Variants in PRMT8 observed in about 807,000 individuals in gnomAD.
The protein encoded by PRMT8 is protein arginine methyltransferase 8, also known as protein arginine N-methyltransferase 8.
Under a neutral mutation model 47.1 loss-of-function variants are expected in PRMT8, and 7 were observed. The observed-to-expected ratio is 0.15, with a 90% CI of 0.08 to 0.28. PRMT8 has a LOEUF of 0.28. PRMT8 is among the 10% of genes least tolerant of loss of function. The pLI is 1.00. For missense variants in PRMT8, 237 were observed against 505.4 expected, an observed-to-expected ratio of 0.47 and a Z score of 5.09; for synonymous variants, 188 against 186.5, an observed-to-expected ratio of 1.01 and a Z score of -0.07.
At chr12:3,457,531 A>G (rs1864987928) in intron 1 of PRMT8, among the ~76,000 whole-genome samples, 1 of 151,244 alleles carries the variant, frequency 6.6e-6, no homozygotes, top group African/African-American at 2.4e-5. Context: ...CTGGTCTCAA[A>G]CTCCTGGCTT....
chr12:3,524,492 A>G (rs755651615), intron 1 of PRMT8, among the ~76,000 whole-genome samples: 18 of 151,998 alleles, frequency 1.2e-4, no homozygotes, highest in Non-Finnish European at 1.0e-4. Context: ...TTAGTCTAAG[A>G]TGAGTTTACT....
chr12:3,593,053 A>G lies in PRMT8; in HGVS notation c.1102-46A>G, dbSNP rs4765741. ...TGCCAGAGAGTGGGGCTGTGGCTTCATACCCAGACGGCCGCCTGACCCTTC... is the reference window on the plus strand; with the variant it reads ...TGCCAGAGAGTGGGGCTGTGGCTTCGTACCCAGACGGCCGCCTGACCCTTC... On this transcript the variant is annotated intron_variant, in intron 9 of 9. Coordinates refer to ENST00000382622, the MANE Select transcript of PRMT8 (RefSeq NM_019854.5). This position sits in a 1 kb window ranked among gnomAD's most constrained non-coding sequence, Gnocchi z 4.8. 0.66 allele frequency: 1,008,732 copies of G among 1,521,934 alleles called. 337,105 individuals are homozygous for G. The highest frequency in any genetic ancestry group is 0.76 in the African/African-American group (55,382 of 73,162). The allele number at this position is 1,521,934 out of a possible 1,614,324, so 94.3% of individuals were successfully genotyped here. A position where few individuals can be genotyped will look rare whatever the true frequency, so the allele number is the denominator to read the frequency against.
At chr12:3,577,121 T>G in intron 7 of PRMT8, 135 bp downstream of exon 7, 1 of 698,172 alleles carries the variant, frequency 1.4e-6, no homozygotes, top group Non-Finnish European at 2.5e-6. Flanking sequence ...CCTGTGATGC[T>G]CCCTAAGCTC....
At chr12:3,491,809 C>G in intron 1 of PRMT8, 109 bp downstream of exon 1, 1 of 1,329,106 alleles carries the variant, frequency 7.5e-7, no homozygotes, top group Non-Finnish European at 1.0e-6. Context: ...AGTTTCATCC[C>G]GCTCGCTTCT....
chr12:3,507,795 G>A (rs1340962342), intron 1 of PRMT8, among the ~76,000 whole-genome samples: 1 of 122,426 alleles, frequency 8.2e-6, no homozygotes, highest in Non-Finnish European at 1.6e-5. Flanking sequence ...GTCTTGCTCT[G>A]TCACCCAGGC....
At position 3,569,501 on chromosome 12, in the gene PRMT8, G is replaced by C. The variant is rs1321574011; in HGVS notation, c.649G>C (p.Asp217His). The C allele has an allele frequency of 6.2e-7, 1 of 1,614,068 alleles. No individual in the cohort carries two copies. Among genetic ancestry groups the C allele is most frequent in the Non-Finnish European group, 8.5e-7 (1 of 1,180,038 alleles). ...GAAACCTGGAGGGCTTATGTTTCCA[G>C]ACCGGGCAGCTTTGTACGTGGTAGC... ...WLKPGGLMFP[D>H]RAALYVVAIE... Residue 217 changes from aspartate (D) to histidine (H), a missense_variant, in exon 6 of 10, where the codon GAC becomes CAC. Coordinates refer to ENST00000382622, the MANE Select transcript of PRMT8 (RefSeq NM_019854.5). This position sits in a 1 kb window ranked among gnomAD's most constrained non-coding sequence, Gnocchi z 8.2.
chr12:3,562,674 T>C (rs887214897), intron 4 of PRMT8, among the ~76,000 whole-genome samples: 1 of 152,182 alleles, frequency 6.6e-6, no homozygotes, highest in African/African-American at 2.4e-5. Flanking sequence ...TGTCGTTAGC[T>C]TGAAATTGGC....
chr12:3,436,884 G>A lies in PRMT8; in HGVS notation c.48+55442G>A, dbSNP rs959270088. Among the ~76,000 whole-genome samples, 3 of 152,322 alleles carry A rather than the reference G, an allele frequency of 2.0e-5. No individual in the cohort carries two copies. Among genetic ancestry groups the A allele is most frequent in the African/African-American group, 4.8e-5 (2 of 41,576 alleles). On this transcript the variant is annotated intron_variant, in intron 1 of 9. Coordinates refer to the PRMT8 transcript ENST00000452611. The surrounding 1 kb of genome is among the most constrained non-coding windows in gnomAD (Gnocchi z 4.2). ...CACAGGCTCTGCATTCCTGCTTCTG[G>A]GCAGCCTGCCCAGCTGGTGGGGTGT...
Position 3,540,614 on chromosome 12 carries a change from C to CCCCCCCAG in PRMT8, c.90_91insAGCCCCCC (p.Gln32ProfsTer37). 2 of 716,466 alleles carry CCCCCCCAG rather than the reference C, an allele frequency of 2.8e-6. No homozygotes were observed. Among genetic ancestry groups the CCCCCCCAG allele is most frequent in the Non-Finnish European group, 5.0e-6 (2 of 402,650 alleles). The allele number at this position is 716,466 out of a possible 1,614,324, so 44.4% of individuals were successfully genotyped here. On this transcript the variant is annotated frameshift_variant, in exon 2 of 10. Coordinates refer to ENST00000382622, the MANE Select transcript of PRMT8 (RefSeq NM_019854.5). LOFTEE classifies it high-confidence loss of function. ...CCTTCTCTTCCCCTCAGGTGAACAG[C>CCCCCCCAG]CCCCCCTCCCAGCCCCCCCAGCCCG...
At chr12:3,545,057 G>A (rs138195740) in intron 2 of PRMT8, among the ~76,000 whole-genome samples, 2 of 152,310 alleles carry the variant, frequency 1.3e-5, no homozygotes, top group East Asian at 1.9e-4. Context: ...ATGAAGGAAA[G>A]GGTTGTAGTT....
At chr12:3,581,764 G>A (rs2137226794) in intron 7 of PRMT8, among the ~76,000 whole-genome samples, 1 of 152,294 alleles carries the variant, frequency 6.6e-6, no homozygotes, top group Admixed American at 6.5e-5. Context: ...CACAGAAGAT[G>A]TCATGGCTAC....
At position 3,548,721 on chromosome 12, in the gene PRMT8, A is replaced by G. The variant is rs80070937; in HGVS notation, c.262-1215A>G. Among the ~76,000 whole-genome samples the G allele has an allele frequency of 5.3e-5, 8 of 152,346 alleles. No homozygotes were observed. The East Asian group carries it at 1.5e-3, about 29-fold the overall frequency. On this transcript the variant is annotated intron_variant, in intron 2 of 9. Coordinates refer to ENST00000382622, the MANE Select transcript of PRMT8 (RefSeq NM_019854.5). The stretch of plus-strand genomic sequence containing the variant: ...GCTGTGAAGCACCTTGAACTCTCAC[A>G]TTGCTGGTTGGAGTGTAAAATGGTA...
chr12:3,439,726 G>T (rs555173747), intron 1 of PRMT8, among the ~76,000 whole-genome samples: 6 of 152,284 alleles, frequency 3.9e-5, no homozygotes, highest in Admixed American at 2.0e-4. Context: ...AAAGGTGGGG[G>T]TGTCTCTAGG....
At chr12:3,467,263 A>AAT (rs1865109788) in intron 1 of PRMT8, among the ~76,000 whole-genome samples, 1 of 151,092 alleles carries the variant, frequency 6.6e-6, no homozygotes, top group South Asian at 2.1e-4. Context: ...AAAAAAAAAA[A>AAT]AGAAATGTGG....
rs990421732 is a variant in PRMT8, at chr12:3,571,622, GA to G, written c.712+2069del. ...GCAGTGTTCATACCTTTTGGAAAAG[GA>G]AAAAAAAAAATCTGAAAGTTAGCAC... is the stretch of plus-strand genomic sequence containing the variant. On this transcript the variant is annotated intron_variant, in intron 6 of 9. Coordinates refer to ENST00000382622, the MANE Select transcript of PRMT8 (RefSeq NM_019854.5). Among the ~76,000 whole-genome samples the G allele has an allele frequency of 1.1e-3, 154 of 145,834 alleles. No individual in the cohort carries two copies. The Middle Eastern group carries it at 0.021, about 20-fold the overall frequency.
At chr12:3,487,585 G>A (rs887475182), upstream of PRMT8, among the ~76,000 whole-genome samples, 4 of 152,100 alleles carry the variant, frequency 2.6e-5, no homozygotes, top group East Asian at 1.9e-4. Flanking sequence ...CATCATTTAC[G>A]CCAACAATTA....
chr12:3,510,908 C>T (rs1042268621), intron 1 of PRMT8, among the ~76,000 whole-genome samples: 2 of 152,174 alleles, frequency 1.3e-5, no homozygotes, highest in East Asian at 3.8e-4. Context: ...TCCAGTTCCT[C>T]GGGCCCTCAG....
chr12:3,400,712 A>T (rs1231246904), intron 1 of PRMT8, among the ~76,000 whole-genome samples: 1 of 152,222 alleles, frequency 6.6e-6, no homozygotes. Context: ...ATAAAAAAGA[A>T]AACTTCAGGC....
intron 1 of PRMT8, among the ~76,000 whole-genome samples, chr12:3,417,967 T>G (rs1254363560): frequency 6.6e-6 from 1 of 152,208 alleles, no homozygotes; most frequent in Non-Finnish European, 1.5e-5. Flanking sequence ...TCTTTGTACT[T>G]GCATTTCCCC....
Sources: allele counts gnomAD v4.1 joint callset (sites outside exome capture counted in the v4.1 genomes callset), GRCh38; gene constraint gnomAD v4.1.1; non-coding constraint Gnocchi (gnomAD v3.1); transcripts MANE v1.5; gene names NCBI Gene and HGNC (gene_info 2026-07-23, HGNC 2026-07-21).